Variants in EXT1 observed in about 807,000 individuals in gnomAD.
EXT1 encodes the protein exostosin-1.
EXT1 carries 20 observed loss-of-function variants against 82.5 expected under a neutral mutation model. The ratio of observed to expected loss-of-function variants is 0.24; its 90% CI spans 0.17 to 0.35. The LOEUF is 0.35. Ranked by LOEUF, EXT1 falls within the 10% of genes least tolerant of loss-of-function variation. The pLI, the probability that EXT1 is intolerant of heterozygous loss-of-function variation, is 1.00. For missense variants in EXT1, 757 were observed against 936.5 expected (o/e 0.81, Z 2.50); for synonymous variants, 348 against 350.8 (o/e 0.99, Z 0.09).
At chr8:117,831,674 C>T (rs1371602481) in intron 3 of EXT1, 1 of 470,950 alleles carries the variant, frequency 2.1e-6, no homozygotes, top group Admixed American at 2.3e-5. Flanking sequence ...AGGAGAAATG[C>T]TCCGTTAGCT....
At chr8:118,050,701 CAT>C (rs1421231446) in intron 1 of EXT1, among the ~76,000 whole-genome samples, 2 of 152,170 alleles carry the variant, frequency 1.3e-5, no homozygotes, top group African/African-American at 2.4e-5. Context: ...ATAATTTTCA[CAT>C]GTCATAAAGT....
At position 117,988,726 on chromosome 8, in the gene EXT1, CGAA is replaced by C. The variant is rs150694097; in HGVS notation, c.962+121356_962+121358del. On this transcript the variant is annotated intron_variant, in intron 1 of 10. Transcript: ENST00000378204. The stretch of plus-strand genomic sequence containing the variant: ...GCCCCCAGGGAAGTCTACTCCAATG[CGAA>C]GAAGGGGATAGTAGAGGCAATGGAC... Among the ~76,000 whole-genome samples the C allele has an allele frequency of 1.6e-3, 244 of 152,184 alleles. 1 individual carries two copies. The highest frequency in any genetic ancestry group is 5.5e-3 in the African/African-American group (227 of 41,508).
chr8:117,973,865 GGAAAGGAAAGGAAA>G (rs1563617629), intron 1 of EXT1, among the ~76,000 whole-genome samples: 3 of 129,680 alleles, frequency 2.3e-5, no homozygotes, highest in African/African-American at 9.5e-5. Flanking sequence ...GGAAAGGAAA[GGAAAGGAAAGGAAA>G]GGAAAGGAAG....
intron 1 of EXT1, among the ~76,000 whole-genome samples, chr8:118,018,551 T>G (rs909633277): frequency 3.9e-5 from 6 of 152,180 alleles, no homozygotes; most frequent in African/African-American, 7.2e-5. Context: ...TCCACCAAGT[T>G]TATAGACTTT....
intron 1 of EXT1, among the ~76,000 whole-genome samples, chr8:118,085,173 A>T (rs1817394665): frequency 6.6e-6 from 1 of 152,214 alleles, no homozygotes; most frequent in Admixed American, 6.5e-5. Flanking sequence ...CTTGGCTATC[A>T]AATGTATATC....
At chr8:118,062,239 C>CA (rs1247483791) in intron 1 of EXT1, among the ~76,000 whole-genome samples, 6 of 152,242 alleles carry the variant, frequency 3.9e-5, no homozygotes, top group Non-Finnish European at 8.8e-5. Context: ...TGCTAAACTA[C>CA]ATGGACAGCT....
At chr8:117,872,821 A>G (rs1812897244) in intron 1 of EXT1, among the ~76,000 whole-genome samples, 1 of 150,576 alleles carries the variant, frequency 6.6e-6, no homozygotes, top group Admixed American at 6.6e-5. Context: ...ATACTGAAGC[A>G]GAGAAAAAAA....
chr8:118,073,579 C>G (rs1232939495), intron 1 of EXT1, among the ~76,000 whole-genome samples: 1 of 151,778 alleles, frequency 6.6e-6, no homozygotes. Context: ...GAGATCATGC[C>G]ACTGCACTCC....
intron 7 of EXT1, 80 bp from the exon 8 acceptor site, chr8:117,813,041 TC>T: frequency 8.8e-7 from 1 of 1,136,482 alleles, no homozygotes; most frequent in Non-Finnish European, 1.3e-6. Context: ...AGGACAATTC[TC>T]CCATCCTCAC....
chr8:118,004,451 T>C (rs920658967), intron 1 of EXT1, among the ~76,000 whole-genome samples: 3 of 152,056 alleles, frequency 2.0e-5, no homozygotes, highest in Admixed American at 2.0e-4. Flanking sequence ...GAAAAGAGGG[T>C]GGGCAGAATA....
intron 1 of EXT1, among the ~76,000 whole-genome samples, chr8:117,896,820 G>A (rs980686094): frequency 2.6e-5 from 4 of 152,184 alleles, no homozygotes; most frequent in East Asian, 1.9e-4. Context: ...AAGAACAAGC[G>A]ACAAACAGAA....
chr8:117,825,695 T>C (rs1162788051), intron 4 of EXT1, among the ~76,000 whole-genome samples: 3 of 152,208 alleles, frequency 2.0e-5, no homozygotes, highest in African/African-American at 7.2e-5. Context: ...CACTGTAGCC[T>C]AAGATACACG....
At chr8:117,961,500 G>A (rs1210104698) in intron 1 of EXT1, among the ~76,000 whole-genome samples, 1 of 152,188 alleles carries the variant, frequency 6.6e-6, no homozygotes, top group East Asian at 1.9e-4. Context: ...AAATCTAAAT[G>A]TACCAAAAGG....
chr8:117,913,281 T>C (rs1236378748), intron 1 of EXT1, among the ~76,000 whole-genome samples: 1 of 152,106 alleles, frequency 6.6e-6, no homozygotes, highest in Non-Finnish European at 1.5e-5. Context: ...CTGGTTCCCC[T>C]AGCTTCCCTG....
At chr8:117,912,263 C>T (rs900215372) in intron 1 of EXT1, among the ~76,000 whole-genome samples, 1 of 152,158 alleles carries the variant, frequency 6.6e-6, no homozygotes, top group Non-Finnish European at 1.5e-5. Context: ...AGAGCTAGAT[C>T]TTGCCATCAT....
intron 1 of EXT1, among the ~76,000 whole-genome samples, chr8:118,061,829 T>G (rs988988435): frequency 6.6e-6 from 1 of 152,228 alleles, no homozygotes; most frequent in Non-Finnish European, 1.5e-5. Flanking sequence ...GCAAAAGATT[T>G]GTAGATCAAA....
At chr8:118,061,922 T>C (rs1246768752) in intron 1 of EXT1, among the ~76,000 whole-genome samples, 1 of 152,084 alleles carries the variant, frequency 6.6e-6, no homozygotes, top group African/African-American at 2.4e-5. Flanking sequence ...GTGGAGCAAC[T>C]GGATAAAATG....
At chr8:117,822,706 A>G in intron 4 of EXT1, 109 bp from the exon 5 acceptor site, 1 of 1,186,888 alleles carries the variant, frequency 8.4e-7, no homozygotes, top group Non-Finnish European at 1.2e-6. Flanking sequence ...TAGTGACTCT[A>G]CCCTCCCTCC....
At chr8:117,940,280 T>C (rs1352643383) in intron 1 of EXT1, among the ~76,000 whole-genome samples, 1 of 152,202 alleles carries the variant, frequency 6.6e-6, no homozygotes, top group African/African-American at 2.4e-5. Context: ...TGAGATGATG[T>C]AGACTGACAT....
Sources: allele counts gnomAD v4.1 joint callset (sites outside exome capture counted in the v4.1 genomes callset), GRCh38; gene constraint gnomAD v4.1.1; transcripts MANE v1.5; gene names NCBI Gene and HGNC (gene_info 2026-07-23, HGNC 2026-07-21).